The following CIRSR variants were observed in gnomAD, a reference collection of about 807,000 sequenced individuals.
CIRSR encodes corepressor of RBPJ and splicing regulator.
At chr2:174,387,726 C>T in the CIRSR span, 67 of 1,597,888 alleles carry the variant, frequency 4.2e-5, no homozygotes, top group South Asian at 7.3e-4. Flanking sequence ...ATTGCTGCAT[C>T]AATTCTTCTT....
the CIRSR span, among the ~76,000 whole-genome samples, chr2:174,373,124 A>G: frequency 6.6e-6 from 1 of 152,244 alleles, no homozygotes; most frequent in Non-Finnish European, 1.5e-5. Flanking sequence ...GTGGCATCAC[A>G]GATGGTGAAA....
the CIRSR span, among the ~76,000 whole-genome samples, chr2:174,392,195 A>C: frequency 6.6e-6 from 1 of 152,104 alleles, no homozygotes; most frequent in African/African-American, 2.4e-5. Context: ...ACAGGGTTTC[A>C]CCATGTTGGC....
the CIRSR span, among the ~76,000 whole-genome samples, chr2:174,374,437 T>C: frequency 4.6e-5 from 7 of 152,194 alleles, no homozygotes; most frequent in African/African-American, 1.7e-4. Flanking sequence ...AAATCAGGGG[T>C]TGTGCCTGTA....
the CIRSR span, among the ~76,000 whole-genome samples, chr2:174,371,051 T>C: frequency 1.3e-5 from 2 of 152,200 alleles, no homozygotes; most frequent in South Asian, 4.1e-4. Context: ...ACTCATATTA[T>C]ATGATTCTAT....
chr2:174,354,990 T>C, the CIRSR span, among the ~76,000 whole-genome samples: 2 of 151,720 alleles, frequency 1.3e-5, no homozygotes, highest in African/African-American at 2.4e-5. Context: ...TGCAGTCTTA[T>C]TCACATTTTT....
the CIRSR span, among the ~76,000 whole-genome samples, chr2:174,361,741 C>T: frequency 6.6e-6 from 1 of 152,142 alleles, no homozygotes; most frequent in African/African-American, 2.4e-5. Context: ...ATGGTTAGAA[C>T]ACACTAAAAA....
the CIRSR span, among the ~76,000 whole-genome samples, chr2:174,394,554 T>C: frequency 3.6e-4 from 55 of 152,282 alleles, no homozygotes; most frequent in African/African-American, 1.2e-3. Flanking sequence ...AATGAGGAGA[T>C]GGGGCTGGAT....
the CIRSR span, among the ~76,000 whole-genome samples, chr2:174,394,953 C>T: frequency 6.6e-6 from 1 of 152,168 alleles, no homozygotes; most frequent in Non-Finnish European, 1.5e-5. Context: ...ATATTTTGTG[C>T]AAGGTCTTAA....
At chr2:174,382,484 C>A in the CIRSR span, among the ~76,000 whole-genome samples, 1 of 152,050 alleles carries the variant, frequency 6.6e-6, no homozygotes, top group Non-Finnish European at 1.5e-5. Flanking sequence ...ACCAAAAATA[C>A]AAAAATTAGC....
chr2:174,349,239 G>A, the CIRSR span: 6 of 859,942 alleles, frequency 7.0e-6, no homozygotes, highest in Non-Finnish European at 1.0e-5. Flanking sequence ...TGTAAGTTAT[G>A]AACAAACAAT....
chr2:174,370,267 T>C, the CIRSR span, among the ~76,000 whole-genome samples: 18 of 152,170 alleles, frequency 1.2e-4, no homozygotes, highest in Admixed American at 1.2e-3. Flanking sequence ...CCAAAGTTGG[T>C]CTCAAACGCT....
chr2:174,374,195 C>T, the CIRSR span, among the ~76,000 whole-genome samples: 2 of 152,220 alleles, frequency 1.3e-5, no homozygotes, highest in Non-Finnish European at 2.9e-5. Flanking sequence ...CAAGTTAAAT[C>T]TTCTGTGCTT....
At chr2:174,364,213 T>G in the CIRSR span, among the ~76,000 whole-genome samples, 3 of 152,162 alleles carry the variant, frequency 2.0e-5, no homozygotes, top group Non-Finnish European at 4.4e-5. Context: ...CGGTCAAATC[T>G]TAAAGCTCCA....
chr2:174,368,909 A>G, the CIRSR span, among the ~76,000 whole-genome samples: 4 of 152,198 alleles, frequency 2.6e-5, no homozygotes, highest in African/African-American at 7.2e-5. Context: ...GAGCACATGC[A>G]AAGTAGATTT....
chr2:174,366,724 T>G, the CIRSR span, among the ~76,000 whole-genome samples: 1 of 152,194 alleles, frequency 6.6e-6, no homozygotes, highest in Non-Finnish European at 1.5e-5. Flanking sequence ...AAATACTGGG[T>G]ATTACAGCTT....
At chr2:174,386,364 T>C in the CIRSR span, among the ~76,000 whole-genome samples, 1 of 152,158 alleles carries the variant, frequency 6.6e-6, no homozygotes, top group African/African-American at 2.4e-5. Flanking sequence ...TATTTCTTAG[T>C]AGAAACGGGG....
At chr2:174,380,311 A>G in the CIRSR span, 1 of 1,200,254 alleles carries the variant, frequency 8.3e-7, no homozygotes, top group Non-Finnish European at 1.2e-6. Flanking sequence ...ATTAAACAGC[A>G]GTTAATCAGA....
At chr2:174,367,252 T>C in the CIRSR span, among the ~76,000 whole-genome samples, 4 of 151,936 alleles carry the variant, frequency 2.6e-5, no homozygotes, top group African/African-American at 7.3e-5. Context: ...CTGTGCAACA[T>C]AATGAGAGCC....
At chr2:174,355,139 T>C in the CIRSR span, among the ~76,000 whole-genome samples, 1 of 152,146 alleles carries the variant, frequency 6.6e-6, no homozygotes, top group East Asian at 1.9e-4. Flanking sequence ...AGAGGCTACG[T>C]AGAGTTACAC....
Sources: allele counts gnomAD v4.1 joint callset (sites outside exome capture counted in the v4.1 genomes callset), GRCh38; gene constraint gnomAD v4.1.1; transcripts MANE v1.5; gene names NCBI Gene and HGNC (gene_info 2026-07-23, HGNC 2026-07-21).